RNF20: variants seen among roughly 807,000 people sequenced by gnomAD.
RNF20 encodes the protein ring finger protein 20.
In RNF20, 84 loss-of-function variants were observed where a neutral mutation model predicts 126.2. The observed-to-expected ratio is 0.67, with a 90% CI of 0.56 to 0.80. The LOEUF (loss-of-function observed/expected upper bound fraction) is 0.80, where lower values mean the gene tolerates loss of function less well. Among genes scored for constraint, RNF20 ranks in the 30% least tolerant of loss-of-function variants. RNF20 has a pLI of 0.00. For missense variants in RNF20, 869 were observed against 1,188.2 expected, an observed-to-expected ratio of 0.73 and a Z score of 3.95; for synonymous variants, 400 against 414.3, an observed-to-expected ratio of 0.97 and a Z score of 0.42.
Position 101,547,174 on chromosome 9 carries a change from G to C in RNF20, c.932G>C (p.Ser311Thr). 1.2e-6 allele frequency: 2 copies of C among 1,614,126 alleles called. No homozygotes were observed. Among genetic ancestry groups the C allele is most frequent in the Non-Finnish European group, 1.7e-6 (2 of 1,180,000 alleles). ...SKGYKVYGAG[S>T]SLYGGTITIN... is the part of the protein sequence containing the mutation. ...GGTTATAAGGTGTATGGAGCGGGGA[G>C]CAGTCTGTATGGCGGCACAATCACT... The change falls in exon 8 of 20, where the codon AGC (serine) becomes ACC (threonine). Residue 311 changes from serine to threonine, a missense_variant. This residue lies in a region of RNF20 where 153 missense variants were observed against 226.4 expected (regional missense o/e 0.68). Transcript: ENST00000389120.
At chr9:101,554,957 A>T in intron 15 of RNF20, 114 bp downstream of exon 15, 1 of 679,980 alleles carries the variant, frequency 1.5e-6, no homozygotes, top group Non-Finnish European at 2.2e-6. Flanking sequence ...GTTAATGTGT[A>T]TTTTTCCTTT....
chr9:101,556,822 A>G (rs1043627610), intron 15 of RNF20, among the ~76,000 whole-genome samples: 1 of 152,234 alleles, frequency 6.6e-6, no homozygotes, highest in African/African-American at 2.4e-5. Flanking sequence ...ACTCTCCAAA[A>G]TAGGGAAAAA....
rs202161634 is a variant in RNF20, at chr9:101,544,869, G to A, written c.731G>A (p.Arg244His). 345 of 1,610,054 alleles carry A rather than the reference G, an allele frequency of 2.1e-4. 1 individual carries two copies. Among genetic ancestry groups the A allele is most frequent in the Non-Finnish European group, 2.2e-4 (255 of 1,176,526 alleles). The change falls in exon 6 of 20, where the codon CGC (arginine) becomes CAC (histidine). Residue 244 changes from arginine (R) to histidine (H), a missense_variant. Physicochemically the swap from Arg to His is conservative, Grantham distance 29. Transcript: ENST00000389120. ...ELTDLLQEKH[R>H]TMSQEFSKLQ... ...ACAGATCTTCTTCAGGAAAAGCATC[G>A]CACCATGTCTCAGGAGGTACTTAAC...
Position 101,547,474 on chromosome 9 carries a change from C to G in RNF20, c.1048C>G (p.Arg350Gly). The G allele has an allele frequency of 6.2e-7, 1 of 1,614,070 alleles. No homozygotes were observed. The highest frequency in any genetic ancestry group is 8.5e-7 in the Non-Finnish European group (1 of 1,179,988). ...CCGTCTCTGTGAGCTGGAGAAACTT[C>G]GGCAAGACTTTGAGGAGGTCACTAC... ...QNRLCELEKLRQDFEEVTTQN... is the reference protein window; with the variant it reads ...QNRLCELEKLGQDFEEVTTQN... The change falls in exon 9 of 20, where the codon CGG becomes GGG. Residue 350 changes from arginine (R) to glycine (G), a missense_variant. Around this residue, in one of 8 missense-constraint regions of RNF20, gnomAD observed 153 missense variants for 226.4 expected, o/e 0.68. Transcript: ENST00000389120.
rs199597936 is a variant in RNF20, at chr9:101,561,077, A to G, written c.2509-13A>G. On this transcript the variant is annotated splice_polypyrimidine_tract_variant and intron_variant, in intron 17 of 19. Transcript: ENST00000389120. Reference sequence around the variant, plus strand: ...TGATACAATGGTGTCACTTATTTGTACATCCTACATAGGCAATGGAGGCAG... The same window carrying G: ...TGATACAATGGTGTCACTTATTTGTGCATCCTACATAGGCAATGGAGGCAG... The G allele has an allele frequency of 6.7e-5, 108 of 1,612,292 alleles. No homozygotes were observed. In the African/African-American group the frequency reaches 1.2e-3, roughly 18 times the overall value.
chr9:101,544,907 A>T (rs769055534), intron 6 of RNF20, 22 bp downstream of exon 6: 1 of 1,444,230 alleles, frequency 6.9e-7, no homozygotes, highest in Non-Finnish European at 9.8e-7. Flanking sequence ...AAAAGGAGAG[A>T]TGGCTGTGTC....
chr9:101,559,910 T>G (rs1024453516), intron 16 of RNF20, among the ~76,000 whole-genome samples: 2 of 152,218 alleles, frequency 1.3e-5, no homozygotes, highest in Admixed American at 6.5e-5. Flanking sequence ...TCTTGTCTGA[T>G]TGCTCTGGCT....
At chr9:101,560,960 A>G in intron 17 of RNF20, 34 bp downstream of exon 17, 1 of 1,604,548 alleles carries the variant, frequency 6.2e-7, no homozygotes, top group Non-Finnish European at 8.5e-7. Flanking sequence ...GGTTAGTCTC[A>G]GTGGAACAAA....
At chr9:101,561,400 T>G (rs970401181) in intron 18 of RNF20, 170 bp downstream of exon 18, 1 of 647,076 alleles carries the variant, frequency 1.5e-6, no homozygotes, top group African/African-American at 1.8e-5. Context: ...ATCCTCAGAC[T>G]CTTTTATGGT....
intron 6 of RNF20, among the ~76,000 whole-genome samples, chr9:101,545,245 T>C (rs1001217882): frequency 6.6e-6 from 1 of 152,202 alleles, no homozygotes; most frequent in African/African-American, 2.4e-5. Context: ...TTACACAAAA[T>C]GATCAAGATA....
At chr9:101,543,418 A>T (rs866060479) in intron 5 of RNF20, among the ~76,000 whole-genome samples, 1 of 110,110 alleles carries the variant, frequency 9.1e-6, no homozygotes, top group Non-Finnish European at 1.9e-5. Context: ...AACCTGCCAG[A>T]GCGGCACTGT....
intron 15 of RNF20, 92 bp downstream of exon 15, chr9:101,554,935 CT>C (rs1564111734): frequency 4.1e-6 from 4 of 986,494 alleles, no homozygotes; most frequent in African/African-American, 1.7e-5. Context: ...TTATTTTGGT[CT>C]TTTTTTGATT....
intron 13 of RNF20, among the ~76,000 whole-genome samples, chr9:101,553,467 G>A (rs895677114): frequency 6.6e-6 from 1 of 152,204 alleles, no homozygotes; most frequent in Admixed American, 6.5e-5. Context: ...AATAAGAGGT[G>A]AAGTTTTAGT....
intron 2 of RNF20, 130 bp downstream of exon 2, chr9:101,535,682 A>C (rs1158311557): frequency 4.3e-6 from 4 of 929,880 alleles, no homozygotes; most frequent in Middle Eastern, 2.7e-4. Context: ...AACAGGCTGA[A>C]AGTAGGTAAA....
intron 9 of RNF20, among the ~76,000 whole-genome samples, chr9:101,549,736 A>G (rs539099769): frequency 6.6e-6 from 1 of 152,180 alleles, no homozygotes; most frequent in Non-Finnish European, 1.5e-5. Flanking sequence ...TCTGGGCATA[A>G]CAGAAGGCTC....
chr9:101,547,941 G>A (rs562719473), intron 9 of RNF20, among the ~76,000 whole-genome samples: 1 of 152,228 alleles, frequency 6.6e-6, no homozygotes, highest in Admixed American at 6.5e-5. Flanking sequence ...CGAAAAAACT[G>A]TTAGAACTAT....
Position 101,562,410 on chromosome 9 carries a change from C to A in RNF20, c.2916C>A (p.Ile972=). The change falls in exon 20 of 20, where the codon ATC becomes ATA. Residue 972 remains isoleucine (I), a synonymous_variant. Transcript: ENST00000389120. Reference sequence around the variant, plus strand: ...TTGGTGCCAATGATTTTCATCGCATCTACATTGGTTGATCTAAGTCAAGAG... The same window carrying A: ...TTGGTGCCAATGATTTTCATCGCATATACATTGGTTGATCTAAGTCAAGAG... ...AAFGANDFHR[I]YIG is the part of the protein sequence containing the mutation. The A allele has an allele frequency of 6.2e-7, 1 of 1,612,982 alleles. No homozygotes were observed. Among genetic ancestry groups the A allele is most frequent in the Non-Finnish European group, 8.5e-7 (1 of 1,179,544 alleles).
At chr9:101,541,520 T>G (rs1827260195) in intron 5 of RNF20, among the ~76,000 whole-genome samples, 1 of 152,246 alleles carries the variant, frequency 6.6e-6, no homozygotes, top group Non-Finnish European at 1.5e-5. Context: ...AGCTCTATAC[T>G]GATATACTCT....
intron 2 of RNF20, among the ~76,000 whole-genome samples, chr9:101,539,609 T>C (rs1033724561): frequency 3.3e-5 from 5 of 152,124 alleles, no homozygotes; most frequent in African/African-American, 1.2e-4. Context: ...TTTCAGGGAA[T>C]GGGAAGTTGG....
Sources: gnomAD v4.1 joint callset for allele counts (sites outside exome capture counted in the v4.1 genomes callset) on GRCh38, gnomAD v4.1.1 for gene constraint, gnomAD v4.1.1 regional missense constraint, MANE v1.5 for transcripts, NCBI Gene and HGNC (gene_info 2026-07-23, HGNC 2026-07-21) for gene names.